ABCB1: variants seen among roughly 807,000 people sequenced by gnomAD.
ABCB1 encodes ATP-dependent translocase ABCB1.
Under a neutral mutation model 142.0 loss-of-function variants are expected in ABCB1, and 69 were observed. That is an observed-to-expected ratio of 0.49 (90% CI 0.40 to 0.59). ABCB1 has a LOEUF of 0.59. Ranked by LOEUF, ABCB1 falls within the 20% of genes least tolerant of loss-of-function variation. ABCB1 has a pLI of 0.00. For missense variants in ABCB1, 1,326 were observed against 1,554.7 expected (o/e 0.85, Z 2.47); for synonymous variants, 532 against 539.2 (o/e 0.99, Z 0.18).
At chr7:87,519,239 T>C in intron 23 of ABCB1, 87 bp downstream of exon 23, 1 of 1,346,566 alleles carries the variant, frequency 7.4e-7, no homozygotes, top group Non-Finnish European at 1.1e-6. Flanking sequence ...TCATGAGGCT[T>C]CACAGTAGGG....
At chr7:87,606,895 C>A (rs1309997368) in intron 1 of ABCB1, among the ~76,000 whole-genome samples, 1 of 152,080 alleles carries the variant, frequency 6.6e-6, no homozygotes. Flanking sequence ...TAGTATCTAT[C>A]TCTCAGTGGA....
At chr7:87,569,914 C>T (rs1463275508) in intron 5 of ABCB1, among the ~76,000 whole-genome samples, 2 of 152,114 alleles carry the variant, frequency 1.3e-5, no homozygotes, top group Non-Finnish European at 2.9e-5. Flanking sequence ...CTACCTTAAA[C>T]TCCTCTAATT....
Position 87,504,536 on chromosome 7 carries a change from T to A in ABCB1, c.3637-87A>T, listed in dbSNP as rs2235049. Reference sequence around the variant, plus strand: ...AAAAAGCTCCACAGTAGGACGGGCATGGTGGCTCACGCCTGTAATCCCAGC... The same window carrying A: ...AAAAAGCTCCACAGTAGGACGGGCAAGGTGGCTCACGCCTGTAATCCCAGC... On this transcript the variant is annotated intron_variant, in intron 27 of 27. Coordinates refer to ENST00000622132, the MANE Select transcript of ABCB1 (RefSeq NM_001348946.2). The A allele has an allele frequency of 1.0e-4, 162 of 1,547,734 alleles. No individual in the cohort carries two copies. The Middle Eastern group carries it at 1.5e-3, about 14-fold the overall frequency.
intron 1 of ABCB1, among the ~76,000 whole-genome samples, chr7:87,634,346 G>A (rs1178971077): frequency 1.3e-5 from 2 of 152,100 alleles, no homozygotes; most frequent in African/African-American, 2.4e-5. Flanking sequence ...TGTTGGCTGG[G>A]TGTGGTGGCT....
intron 1 of ABCB1, among the ~76,000 whole-genome samples, chr7:87,678,568 C>A (rs901265032): frequency 6.6e-6 from 1 of 151,916 alleles, no homozygotes; most frequent in African/African-American, 2.4e-5. Flanking sequence ...AGAAAACAAA[C>A]AATAAAATGG....
intron 4 of ABCB1, among the ~76,000 whole-genome samples, chr7:87,578,059 G>T (rs1305121005): frequency 6.6e-6 from 1 of 152,168 alleles, no homozygotes; most frequent in Non-Finnish European, 1.5e-5. Context: ...TCAGGTCATA[G>T]ATTTAAGTCT....
At chr7:87,619,644 C>T (rs916227651) in intron 1 of ABCB1, among the ~76,000 whole-genome samples, 18 of 151,778 alleles carry the variant, frequency 1.2e-4, no homozygotes, top group African/African-American at 4.4e-4. Context: ...ATATACTTGG[C>T]CAAATTTATG....
intron 24 of ABCB1, 129 bp from the exon 25 acceptor site, chr7:87,515,557 G>A: frequency 1.7e-6 from 1 of 572,398 alleles, no homozygotes; most frequent in Non-Finnish European, 2.9e-6. Context: ...ACTTCAAACT[G>A]CTAGAATTTA....
intron 8 of ABCB1, among the ~76,000 whole-genome samples, chr7:87,555,362 G>A (rs1817261231): frequency 1.3e-5 from 2 of 152,090 alleles, no homozygotes. Flanking sequence ...CATACTTTAA[G>A]GTCTTTGATC....
intron 1 of ABCB1, among the ~76,000 whole-genome samples, chr7:87,656,613 C>T (rs1824131595): frequency 6.6e-6 from 1 of 151,846 alleles, no homozygotes; most frequent in African/African-American, 2.4e-5. Flanking sequence ...AAGAGAAAGA[C>T]GTTAGAGGAT....
At chr7:87,541,312 T>A (rs751996379) in intron 18 of ABCB1, 45 bp downstream of exon 18, 2 of 1,218,264 alleles carry the variant, frequency 1.6e-6, no homozygotes, top group Non-Finnish European at 2.4e-6. Flanking sequence ...AGTTGAATAA[T>A]GATGCATTTC....
At chr7:87,687,712 A>T (rs963022402) in intron 1 of ABCB1, among the ~76,000 whole-genome samples, 4 of 152,104 alleles carry the variant, frequency 2.6e-5, no homozygotes, top group Non-Finnish European at 5.9e-5. Context: ...ACGAGTTAGA[A>T]CTCCTGTGAC....
At chr7:87,581,598 G>A (rs189789862) in intron 4 of ABCB1, among the ~76,000 whole-genome samples, 23 of 152,270 alleles carry the variant, frequency 1.5e-4, no homozygotes, top group African/African-American at 4.1e-4. Context: ...AGGAAATCTG[G>A]TCCACAGTAA....
chr7:87,638,339 A>G (rs1373950589), intron 1 of ABCB1, among the ~76,000 whole-genome samples: 2 of 107,766 alleles, frequency 1.9e-5, no homozygotes, highest in African/African-American at 8.4e-5. Context: ...GTTAGGAAGT[A>G]TGTGTTTGTG....
intron 5 of ABCB1, among the ~76,000 whole-genome samples, chr7:87,568,215 G>A (rs1192217263): frequency 9.3e-6 from 1 of 107,226 alleles, no homozygotes; most frequent in East Asian, 3.6e-4. Flanking sequence ...CCAAAGTGGT[G>A]AAATCCCGTC....
rs948146761 is a variant in ABCB1 at position 87,650,966 on chromosome 7, C to A, written c.-330-49888G>T. The A allele has an allele frequency of 4.7e-6, 6 of 1,276,486 alleles. No homozygotes were observed. The African/African-American group carries it at 7.3e-5, about 16-fold the overall frequency. 79.1% of individuals were successfully genotyped at this position (1,276,486 alleles called of 1,614,324 possible). ...AAAGCACTAATGTACTATTTATTTTCCCACCAGCTGTCTTTATAATAAGCT... is the reference window on the plus strand; with the variant it reads ...AAAGCACTAATGTACTATTTATTTTACCACCAGCTGTCTTTATAATAAGCT... On this transcript the variant is annotated intron_variant, in intron 1 of 28. Coordinates refer to the ABCB1 transcript ENST00000265724.
chr7:87,617,104 AC>A (rs1340045495), intron 1 of ABCB1, among the ~76,000 whole-genome samples: 1 of 152,200 alleles, frequency 6.6e-6, no homozygotes, highest in Non-Finnish European at 1.5e-5. Context: ...TCTGGGAATC[AC>A]AAAATTAGTA....
At chr7:87,514,734 T>C (rs772049192) in intron 25 of ABCB1, among the ~76,000 whole-genome samples, 4 of 152,200 alleles carry the variant, frequency 2.6e-5, no homozygotes, top group Admixed American at 2.0e-4. Flanking sequence ...CCCTTAACTG[T>C]TTCCTACCAT....
In ABCB1 at chr7:87,674,505, C is replaced by T. The variant is rs201366121; in HGVS notation, c.-331+38656G>A. Among the ~76,000 whole-genome samples the T allele has an allele frequency of 2.2e-4, 34 of 152,140 alleles. No homozygotes were observed. The East Asian group carries it at 6.4e-3, about 29-fold the overall frequency. On this transcript the variant is annotated intron_variant, in intron 1 of 28. Transcript: ENST00000265724. ...GTCAGGGTGCACACACATACATGTA[C>T]CAGCATGGGATGGGAGAGGAGGGTG...
Sources: gnomAD v4.1 joint callset for allele counts (sites outside exome capture counted in the v4.1 genomes callset) on GRCh38, gnomAD v4.1.1 for gene constraint, MANE v1.5 for transcripts, NCBI Gene and HGNC (gene_info 2026-07-23, HGNC 2026-07-21) for gene names.